The following PTGR1 variants were observed in gnomAD, a reference collection of about 807,000 sequenced individuals.
The protein encoded by PTGR1 is prostaglandin reductase 1, also known as 15-oxoprostaglandin 13-reductase.
In PTGR1, 23 loss-of-function variants were observed where a neutral mutation model predicts 37.7. The ratio of observed to expected loss-of-function variants is 0.61; its 90% CI spans 0.44 to 0.86. PTGR1 has a LOEUF of 0.86. Ranked by LOEUF, PTGR1 falls within the 40% of genes least tolerant of loss-of-function variation. PTGR1 has a pLI of 0.00. For missense variants in PTGR1, 351 were observed against 394.3 expected, an observed-to-expected ratio of 0.89 and a Z score of 0.93; for synonymous variants, 134 against 140.0, an observed-to-expected ratio of 0.96 and a Z score of 0.30.
chr9:111,551,109 A>G (rs931527801), intron 9 of PTGR1, among the ~76,000 whole-genome samples: 1 of 152,250 alleles, frequency 6.6e-6, no homozygotes, highest in Non-Finnish European at 1.5e-5. Flanking sequence ...AGAAAATAAA[A>G]CAGGTAAAAT....
chr9:111,563,335 T>G (rs1828396064), intron 9 of PTGR1, 104 bp from the exon 10 acceptor site: 1 of 1,180,668 alleles, frequency 8.5e-7, no homozygotes, highest in Non-Finnish European at 1.2e-6. Context: ...TTGGAAACCT[T>G]GAAAATAAGA....
chr9:111,597,430 C>T lies in PTGR1; in HGVS notation c.-8G>A, dbSNP rs1474566374. ...TGTCTTAGTACGAACCATCCTGAAG[C>T]TCCTAGAACACAGTAAATATGTAGT... On this transcript the variant is annotated splice_region_variant and 5_prime_UTR_variant, in exon 2 of 10. Coordinates refer to ENST00000407693, the MANE Select transcript of PTGR1 (RefSeq NM_001146108.2). 6.3e-7 allele frequency: 1 copy of T among 1,588,156 alleles called. No homozygotes were observed. Among genetic ancestry groups the T allele is most frequent in the Non-Finnish European group, 8.6e-7 (1 of 1,159,000 alleles).
intron 9 of PTGR1, among the ~76,000 whole-genome samples, chr9:111,554,985 G>T (rs1039810650): frequency 2.0e-5 from 3 of 152,076 alleles, no homozygotes; most frequent in Non-Finnish European, 4.4e-5. Context: ...TTCTCCAGAG[G>T]TCTGCTCTTT....
chr9:111,579,000 T>A, intron 6 of PTGR1, 49 bp from the exon 7 acceptor site: 1 of 1,533,570 alleles, frequency 6.5e-7, no homozygotes, highest in Non-Finnish European at 8.7e-7. Flanking sequence ...GTCACAAGCA[T>A]GGACCAACAC....
intron 1 of PTGR1, among the ~76,000 whole-genome samples, chr9:111,599,152 A>T (rs1480182747): frequency 2.0e-5 from 3 of 152,052 alleles, no homozygotes. Context: ...CGCCCGCCCG[A>T]GGAGGGGGCC....
intron 8 of PTGR1, among the ~76,000 whole-genome samples, chr9:111,570,647 CG>C (rs1828777501): frequency 6.6e-6 from 1 of 151,596 alleles, no homozygotes; most frequent in Admixed American, 6.6e-5. Flanking sequence ...GGCATGGTGG[CG>C]GGTGCCTATA....
intron 9 of PTGR1, among the ~76,000 whole-genome samples, chr9:111,568,338 A>T (rs541544662): frequency 6.6e-6 from 1 of 152,280 alleles, no homozygotes; most frequent in South Asian, 2.1e-4. Flanking sequence ...ATTTGAGATA[A>T]GCACTGAAAT....
chr9:111,553,442 A>AT lies in PTGR1; in HGVS notation c.880-3644dup, dbSNP rs569975409. 1.9e-3 allele frequency among the ~76,000 whole-genome samples: 293 copies of AT among 152,316 alleles called. 4 individuals carry two copies. The highest frequency in any genetic ancestry group is 6.7e-3 in the African/African-American group (280 of 41,568). On this transcript the variant is annotated intron_variant, in intron 9 of 9. Coordinates refer to the PTGR1 transcript ENST00000538962. ...ATCTCATTTTAGGATTCTGATTTAC[A>AT]TAGGTATCACTGTAACTTGTGCTGT...
At position 111,562,923 on chromosome 9, in the gene PTGR1, G is replaced by A. The variant is rs1374662596; in HGVS notation, c.*198C>T. ...AAGAAGCTGTAGTGAACAGTGAGGTGACTGGTTGTTGTTGACTTTGAAACT... is the reference window on the plus strand; with the variant it reads ...AAGAAGCTGTAGTGAACAGTGAGGTAACTGGTTGTTGTTGACTTTGAAACT... On this transcript the variant is annotated 3_prime_UTR_variant, in exon 10 of 10. Transcript: ENST00000407693. 2.2e-6 allele frequency: 3 copies of A among 1,373,894 alleles called. No homozygotes were observed. The African/African-American group carries it at 4.4e-5, about 20-fold the overall frequency. 85.1% of individuals were successfully genotyped at this position (1,373,894 alleles called of 1,614,324 possible).
At chr9:111,596,033 T>C (rs1229601981) in intron 2 of PTGR1, among the ~76,000 whole-genome samples, 3 of 152,128 alleles carry the variant, frequency 2.0e-5, no homozygotes, top group Non-Finnish European at 2.9e-5. Flanking sequence ...ATCCTCCCCA[T>C]AGTCTGGTCA....
intron 9 of PTGR1, among the ~76,000 whole-genome samples, chr9:111,568,442 G>A (rs760911537): frequency 4.6e-5 from 7 of 152,186 alleles, no homozygotes; most frequent in Admixed American, 2.0e-4. Context: ...CTCTGCTTTC[G>A]AACCCTGTTT....
intron 9 of PTGR1, among the ~76,000 whole-genome samples, chr9:111,565,090 C>T (rs183757163): frequency 1.9e-4 from 29 of 152,160 alleles, no homozygotes; most frequent in Middle Eastern, 3.4e-3. Context: ...CACCATTGCA[C>T]CCCAGCCTGG....
downstream of PTGR1, among the ~76,000 whole-genome samples, chr9:111,559,066 C>T (rs1828200965): frequency 6.6e-6 from 1 of 152,124 alleles, no homozygotes; most frequent in South Asian, 2.1e-4. Context: ...GCTCTGTCTG[C>T]TCATGCTGGG....
In PTGR1 at chr9:111,570,228, A is replaced by G. The variant is rs1464195711; in HGVS notation, c.761-19T>C. ...GGTGGGCCTGTGAAGAGAAGGGCACATTTGGGTGGCAGGATCCAGGGAGGT... is the reference window on the plus strand; with the variant it reads ...GGTGGGCCTGTGAAGAGAAGGGCACGTTTGGGTGGCAGGATCCAGGGAGGT... On this transcript the variant is annotated intron_variant, in intron 8 of 9. Coordinates refer to ENST00000407693, the MANE Select transcript of PTGR1 (RefSeq NM_001146108.2). 2.5e-6 allele frequency: 4 copies of G among 1,607,674 alleles called. No individual in the cohort carries two copies. Among genetic ancestry groups the G allele is most frequent in the Non-Finnish European group, 3.4e-6 (4 of 1,177,234 alleles).
chr9:111,584,055 A>G (rs953512728), intron 5 of PTGR1, among the ~76,000 whole-genome samples: 1 of 152,170 alleles, frequency 6.6e-6, no homozygotes, highest in Non-Finnish European at 1.5e-5. Flanking sequence ...GGAGCTTTCC[A>G]TGGCTCCAAA....
At chr9:111,553,168 C>T (rs1233571423) in intron 9 of PTGR1, among the ~76,000 whole-genome samples, 2 of 152,124 alleles carry the variant, frequency 1.3e-5, no homozygotes, top group African/African-American at 4.8e-5. Flanking sequence ...TAAGTATTAT[C>T]TACTATGTAT....
At chr9:111,591,681 T>C (rs1298680337) in intron 4 of PTGR1, among the ~76,000 whole-genome samples, 2 of 152,142 alleles carry the variant, frequency 1.3e-5, no homozygotes, top group African/African-American at 4.8e-5. Flanking sequence ...ATTTTTGAAA[T>C]AATAATATAT....
chr9:111,561,635 T>G (rs1828325179), downstream of PTGR1, among the ~76,000 whole-genome samples: 1 of 152,200 alleles, frequency 6.6e-6, no homozygotes, highest in Admixed American at 6.5e-5. Context: ...TTCCTGTGTG[T>G]TATCTTTTGT....
At chr9:111,586,803 C>CTCTCTCTA (rs1272719502) in intron 4 of PTGR1, among the ~76,000 whole-genome samples, 1 of 143,672 alleles carries the variant, frequency 7.0e-6, no homozygotes, top group African/African-American at 2.6e-5. Context: ...CTCTCTCTCT[C>CTCTCTCTA]TATATATATA....
Sources: allele counts gnomAD v4.1 joint callset (sites outside exome capture counted in the v4.1 genomes callset), GRCh38; gene constraint gnomAD v4.1.1; transcripts MANE v1.5; gene names NCBI Gene and HGNC (gene_info 2026-07-23, HGNC 2026-07-21).